The following ULK4 variants were observed in gnomAD, a reference collection of about 807,000 sequenced individuals.
ULK4 encodes inactive serine/threonine-protein kinase ULK4.
A neutral mutation model predicts 160.6 loss-of-function variants in ULK4; 133 were observed. That is an observed-to-expected ratio of 0.83 (90% confidence interval 0.72 to 0.96). ULK4 has a LOEUF of 0.96. ULK4 is among the 40% of genes least tolerant of loss of function. The pLI is 0.00. For missense variants in ULK4, 1,580 were observed against 1,499.5 expected, an observed-to-expected ratio of 1.05 and a Z score of -0.89; for synonymous variants, 534 against 539.8, an observed-to-expected ratio of 0.99 and a Z score of 0.15.
chr3:41,649,585 G>A (rs540210597), intron 30 of ULK4, among the ~76,000 whole-genome samples: 158 of 152,318 alleles, frequency 1.0e-3, no homozygotes, highest in African/African-American at 3.1e-3. Flanking sequence ...GGGGGTGTCC[G>A]TGCTCAGGGT....
intron 35 of ULK4, among the ~76,000 whole-genome samples, chr3:41,282,388 G>C (rs1330900290): frequency 1.3e-5 from 2 of 152,132 alleles, no homozygotes; most frequent in Non-Finnish European, 2.9e-5. Context: ...CATGCTACCT[G>C]ACTTCAAACT....
Position 41,431,071 on chromosome 3 carries a change from C to A in ULK4, c.3492+24426G>T, listed in dbSNP as rs145653228. Among the ~76,000 whole-genome samples the A allele has an allele frequency of 9.5e-3, 1,447 of 152,266 alleles. 28 individuals carry two copies. Among genetic ancestry groups the A allele is most frequent in the African/African-American group, 0.029 (1,190 of 41,550 alleles). ...CTACTGAGTAATAAAGACAACAGGCCGGGCGCGGTGGCGCACGCTGGTAAT... is the reference window on the plus strand; with the variant it reads ...CTACTGAGTAATAAAGACAACAGGCAGGGCGCGGTGGCGCACGCTGGTAAT... On this transcript the variant is annotated intron_variant, in intron 34 of 36. Transcript: ENST00000301831.
At chr3:41,706,421 TAAAC>T (rs1316431401) in intron 25 of ULK4, among the ~76,000 whole-genome samples, 2 of 146,542 alleles carry the variant, frequency 1.4e-5, no homozygotes, top group Non-Finnish European at 3.0e-5. Flanking sequence ...AAATATATAT[TAAAC>T]AAAATAACAT....
At chr3:41,561,976 C>A (rs1210005172) in intron 32 of ULK4, among the ~76,000 whole-genome samples, 1 of 152,132 alleles carries the variant, frequency 6.6e-6, no homozygotes, top group Non-Finnish European at 1.5e-5. Context: ...TAGATCTTTT[C>A]TGCTTTCTCT....
chr3:41,344,491 C>G lies in ULK4; in HGVS notation c.3678+53588G>C, dbSNP rs574528085. Among the ~76,000 whole-genome samples the G allele has an allele frequency of 3.7e-4, 57 of 152,190 alleles. 1 individual carries two copies. In the South Asian group the frequency reaches 0.01, roughly 28 times the overall value. On this transcript the variant is annotated intron_variant, in intron 35 of 36. Transcript: ENST00000301831. ...AATTGCCCGGGTGAGGTGGCTCACA[C>G]CTGTAATCCCAGCACTTTGGAAGGC...
intron 32 of ULK4, among the ~76,000 whole-genome samples, chr3:41,483,832 G>T (rs1413397902): frequency 6.6e-6 from 1 of 152,206 alleles, no homozygotes; most frequent in Non-Finnish European, 1.5e-5. Context: ...GGAGGCAGGA[G>T]ACCAGGCTGA....
intron 35 of ULK4, chr3:41,251,139 CAAATAGAAA>C (rs1464517502): frequency 6.6e-6 from 1 of 152,098 alleles, no homozygotes; most frequent in African/African-American, 2.4e-5. Context: ...TTAGAAGGTG[CAAATAGAAA>C]TCTACAGTGA....
rs186265779 is a variant in ULK4, at chr3:41,291,900, G to A, written c.3679-42326C>T. On this transcript the variant is annotated intron_variant, in intron 35 of 36. Coordinates refer to ENST00000301831, the MANE Select transcript of ULK4 (RefSeq NM_017886.4). ...GGCTGGAGCGCAGTGGCGCAATCTC[G>A]GCTCACTGCAAGCTCCGCCTCCCGG... Among the ~76,000 whole-genome samples the A allele has an allele frequency of 2.8e-3, 427 of 150,728 alleles. 2 individuals are homozygous for A. The highest frequency in any genetic ancestry group is 9.6e-3 in the African/African-American group (395 of 40,996).
At chr3:41,654,557 A>AT (rs2034860987) in intron 30 of ULK4, among the ~76,000 whole-genome samples, 1 of 152,242 alleles carries the variant, frequency 6.6e-6, no homozygotes, top group South Asian at 2.1e-4. Context: ...CTGGGTAAGT[A>AT]TATAGCATTA....
intron 20 of ULK4, among the ~76,000 whole-genome samples, chr3:41,797,884 GAAAGA>G (rs1416837211): frequency 1.4e-5 from 2 of 146,820 alleles, no homozygotes; most frequent in East Asian, 3.9e-4. Flanking sequence ...AAAATGAAAG[GAAAGA>G]AAAGAAAACA....
intron 34 of ULK4, among the ~76,000 whole-genome samples, chr3:41,445,552 C>G (rs1229524435): frequency 2.0e-5 from 3 of 151,818 alleles, no homozygotes; most frequent in East Asian, 1.9e-4. Context: ...CAGAACAGAG[C>G]CCTCAGAAAT....
At chr3:41,351,945 A>C (rs2125762261) in intron 35 of ULK4, among the ~76,000 whole-genome samples, 1 of 152,322 alleles carries the variant, frequency 6.6e-6, no homozygotes, top group East Asian at 1.9e-4. Flanking sequence ...AGTGGGACTA[A>C]AGCTTACATA....
At chr3:41,624,934 T>C (rs940187887) in intron 30 of ULK4, among the ~76,000 whole-genome samples, 1 of 152,222 alleles carries the variant, frequency 6.6e-6, no homozygotes, top group African/African-American at 2.4e-5. Context: ...AAGGTGGACT[T>C]TCTAAGTGCT....
chr3:41,658,305 C>G (rs1575538059), intron 30 of ULK4, among the ~76,000 whole-genome samples: 1 of 152,186 alleles, frequency 6.6e-6, no homozygotes, highest in South Asian at 2.1e-4. Context: ...ATTACTGATG[C>G]CAGTGTCTAG....
chr3:41,685,625 C>T (rs2036075273), intron 27 of ULK4, among the ~76,000 whole-genome samples: 1 of 152,350 alleles, frequency 6.6e-6, no homozygotes, highest in Non-Finnish European at 1.5e-5. Context: ...TGGCCCATTT[C>T]TCAAGATAAC....
intron 35 of ULK4, among the ~76,000 whole-genome samples, chr3:41,264,925 C>G (rs1402698984): frequency 6.6e-6 from 1 of 152,202 alleles, no homozygotes; most frequent in Non-Finnish European, 1.5e-5. Context: ...ACCTCTGCTG[C>G]AGTGAATCCC....
In ULK4 at chr3:41,276,694, C is replaced by T. The variant is rs113997086; in HGVS notation, c.3679-27120G>A. Among the ~76,000 whole-genome samples, 1,167 of 152,286 alleles carry T rather than the reference C, an allele frequency of 7.7e-3. 13 individuals are homozygous for T. The highest frequency in any genetic ancestry group is 0.026 in the African/African-American group (1,093 of 41,570). ...GGGAAAATAGTTGTAACATTTCTCA[C>T]AAAGGGTTTGGGTGTTTTCCTAGTA... On this transcript the variant is annotated intron_variant, in intron 35 of 36. Coordinates refer to ENST00000301831, the MANE Select transcript of ULK4 (RefSeq NM_017886.4).
chr3:41,354,738 G>A (rs2080994622), intron 35 of ULK4, among the ~76,000 whole-genome samples: 1 of 152,154 alleles, frequency 6.6e-6, no homozygotes, highest in Admixed American at 6.5e-5. Flanking sequence ...CTAGTTTCAA[G>A]CAAGCCCACT....
At chr3:41,765,435 A>G (rs1163400739) in intron 21 of ULK4, among the ~76,000 whole-genome samples, 5 of 152,188 alleles carry the variant, frequency 3.3e-5, no homozygotes. Flanking sequence ...GAGGGATAGC[A>G]TTAGGAGATA....
Sources: allele counts gnomAD v4.1 joint callset (sites outside exome capture counted in the v4.1 genomes callset), GRCh38; gene constraint gnomAD v4.1.1; transcripts MANE v1.5; gene names NCBI Gene and HGNC (gene_info 2026-07-23, HGNC 2026-07-21).